C4orf50: variants seen among roughly 807,000 people sequenced by gnomAD.
The protein encoded by C4orf50 is uncharacterized protein C4orf50.
Under a neutral mutation model 77.2 loss-of-function variants are expected in C4orf50, and 80 were observed. The ratio of observed to expected loss-of-function variants is 1.04; its 90% CI spans 0.87 to 1.25. The LOEUF (loss-of-function observed/expected upper bound fraction) is 1.25, where lower values mean the gene tolerates loss of function less well. C4orf50 is among the 50% of genes most tolerant of loss of function. C4orf50 has a pLI of 0.00. For synonymous variants in C4orf50, 532 were observed against 465.3 expected (o/e 1.14, Z -1.84); for missense variants, 1,257 against 1,152.9 (o/e 1.09, Z -1.31).
exon 28 of C4orf50, chr4:5,989,391 G>A (rs1288563005): frequency 2.0e-6 from 3 of 1,536,018 alleles, no homozygotes; most frequent in Non-Finnish European, 2.6e-6. Context: ...TGGTGCCCAG[G>A]GCCGTGGTCT....
Position 6,011,869 on chromosome 4 carries a change from C to G in C4orf50, c.387G>C (p.Gln129His). 1 of 399,098 alleles carries G rather than the reference C, an allele frequency of 2.5e-6. No individual in the cohort carries two copies. The allele number at this position is 399,098 out of a possible 1,614,324, so 24.7% of individuals were successfully genotyped here. A position where few individuals can be genotyped will look rare whatever the true frequency, so the allele number is the denominator to read the frequency against. ...CCCCCTGCAGCGCCGCCAGCTTCTC[C>G]TGGGCCTGGAGCCAGGCGCTTCTCT... Residue 129 changes from glutamine (Q) to histidine (H), a missense_variant, in exon 24 of 34, where the codon CAG (glutamine) becomes CAC (histidine). Coordinates refer to ENST00000531445, the Ensembl canonical transcript of C4orf50. The surrounding 1 kb of genome is among the most constrained non-coding windows in gnomAD (Gnocchi z 4.2).
intron 7 of C4orf50, among the ~76,000 whole-genome samples, chr4:5,938,466 G>A (rs1718126191): frequency 6.6e-6 from 1 of 152,156 alleles, no homozygotes; most frequent in African/African-American, 2.4e-5. Flanking sequence ...ACAGCGGGAG[G>A]GGCCCTCTGA....
At chr4:5,988,745 T>C in exon 28 of C4orf50, 1 of 1,536,034 alleles carries the variant, frequency 6.5e-7, no homozygotes, top group Non-Finnish European at 8.7e-7. Context: ...GTGACTTCCC[T>C]CTCCAGGACA....
intron 7 of C4orf50, among the ~76,000 whole-genome samples, chr4:5,917,670 C>T (rs959849922): frequency 5.3e-5 from 8 of 151,942 alleles, no homozygotes; most frequent in South Asian, 4.2e-4. Context: ...CCTTGGCCTC[C>T]CAAAGTGCAG....
At chr4:5,925,228 C>T (rs751515049) in intron 7 of C4orf50, among the ~76,000 whole-genome samples, 3 of 151,244 alleles carry the variant, frequency 2.0e-5, no homozygotes, top group East Asian at 2.0e-4. Context: ...AGGGATATGG[C>T]GCTCGGCAAG....
chr4:5,909,664 T>C (rs1028549810), intron 7 of C4orf50, among the ~76,000 whole-genome samples: 1 of 152,252 alleles, frequency 6.6e-6, no homozygotes, highest in Non-Finnish European at 1.5e-5. Flanking sequence ...AAGCCTTTCA[T>C]CCATTCTTGA....
chr4:5,978,428 T>A (rs1344168301), intron 29 of C4orf50, among the ~76,000 whole-genome samples: 1 of 152,206 alleles, frequency 6.6e-6, no homozygotes, highest in African/African-American at 2.4e-5. Context: ...AGAGTACTAT[T>A]TAGCTGGAAG....
chr4:6,000,045 G>T lies in C4orf50; in HGVS notation c.964-5569C>A, dbSNP rs183885162. ...GGAGGTTGAACTTGATCCTGAGGCC[G>T]TGGGCAGCCATGGTGGGGTGCTTAT... On this transcript the variant is annotated intron_variant, in intron 25 of 33. Transcript: ENST00000531445. The surrounding 1 kb of genome is among the most constrained non-coding windows in gnomAD (Gnocchi z 6.0). 1.4e-3 allele frequency among the ~76,000 whole-genome samples: 220 copies of T among 152,256 alleles called. 2 individuals are homozygous for T. The highest frequency in any genetic ancestry group is 0.012 in the Admixed American group (184 of 15,292).
At chr4:5,957,962 T>TA (rs776646604) in exon 34 of C4orf50, 1 of 152,228 alleles carries the variant, frequency 6.6e-6, no homozygotes, top group Non-Finnish European at 1.5e-5. Flanking sequence ...AACAAAAAGC[T>TA]AAACTACGTT....
intron 31 of C4orf50, among the ~76,000 whole-genome samples, chr4:5,973,096 G>A (rs1720026596): frequency 6.6e-6 from 1 of 152,222 alleles, no homozygotes; most frequent in African/African-American, 2.4e-5. Context: ...AGATGGCTAT[G>A]GAGCGGCTCT....
In C4orf50 at chr4:5,925,223, T is replaced by C. The variant is rs529720970; in HGVS notation, c.*2475-27035A>G. On this transcript the variant is annotated intron_variant, in intron 7 of 7. Transcript: ENST00000324058. ...TTCTGAGATGGGCAGAGGGAAGGGA[T>C]ATGGCGCTCGGCAAGGGGAGACCCG... Among the ~76,000 whole-genome samples the C allele has an allele frequency of 2.6e-5, 4 of 151,026 alleles. No homozygotes were observed. The South Asian group carries it at 8.4e-4, about 32-fold the overall frequency.
intron 25 of C4orf50, among the ~76,000 whole-genome samples, chr4:5,997,252 T>C (rs1721633813): frequency 2.0e-5 from 3 of 152,190 alleles, no homozygotes; most frequent in Non-Finnish European, 1.5e-5. Context: ...CAGGCTGACT[T>C]CAATGCAATT....
chr4:5,943,058 T>C (rs1475265172), intron 7 of C4orf50, among the ~76,000 whole-genome samples: 2 of 152,236 alleles, frequency 1.3e-5, no homozygotes, highest in African/African-American at 4.8e-5. Flanking sequence ...GGTTAGGCAC[T>C]AGGCATATAT....
chr4:5,926,056 T>A (rs1390675892), intron 7 of C4orf50, among the ~76,000 whole-genome samples: 1 of 152,152 alleles, frequency 6.6e-6, no homozygotes, highest in Non-Finnish European at 1.5e-5. Flanking sequence ...ACACGATAGC[T>A]GGAAGGAGGG....
chr4:5,925,303 C>T (rs1717468004), intron 7 of C4orf50, among the ~76,000 whole-genome samples: 1 of 152,048 alleles, frequency 6.6e-6, no homozygotes, highest in Non-Finnish European at 1.5e-5. Context: ...GTGGGGAGGG[C>T]TGTTGGGGGA....
intron 32 of C4orf50, among the ~76,000 whole-genome samples, chr4:5,966,703 A>G (rs1224215152): frequency 6.7e-6 from 1 of 149,602 alleles, no homozygotes; most frequent in Non-Finnish European, 1.5e-5. Context: ...AGGCTGGAGT[A>G]CAGTGGTGTT....
chr4:6,013,698 G>C (rs1316236349), intron 23 of C4orf50, among the ~76,000 whole-genome samples: 1 of 152,248 alleles, frequency 6.6e-6, no homozygotes, highest in East Asian at 1.9e-4. Context: ...ACCAACACGC[G>C]ATTGCATGCA....
At position 5,908,979 on chromosome 4, in the gene C4orf50, G is replaced by A. The variant is rs1716673184; in HGVS notation, c.*2475-10791C>T. Among the ~76,000 whole-genome samples the A allele has an allele frequency of 6.6e-6, 1 of 152,116 alleles. No homozygotes were observed. Among genetic ancestry groups the A allele is most frequent in the South Asian group, 2.1e-4 (1 of 4,820 alleles). ...CCAGTCCATGACTGCCTCTTAGCTG[G>A]ACCACAGAGAGTTTCCTAACCAGGC... On this transcript the variant is annotated intron_variant, in intron 7 of 7. Coordinates refer to the C4orf50 transcript ENST00000324058. The surrounding 1 kb of genome is among the most constrained non-coding windows in gnomAD (Gnocchi z 5.6).
At position 6,009,662 on chromosome 4, in the gene C4orf50, A is replaced by G. The variant is rs548403027; in HGVS notation, c.427-1130T>C. ...CAGAAACGAGGCATCTTCATATGCAAATGCTTACTGGAAACATTGGCAGCA... is the reference window on the plus strand; with the variant it reads ...CAGAAACGAGGCATCTTCATATGCAGATGCTTACTGGAAACATTGGCAGCA... On this transcript the variant is annotated intron_variant, in intron 24 of 33. Transcript: ENST00000531445. This position sits in a 1 kb window ranked among gnomAD's most constrained non-coding sequence, Gnocchi z 5.6. Among the ~76,000 whole-genome samples, 7 of 152,378 alleles carry G rather than the reference A, an allele frequency of 4.6e-5. No homozygotes were observed. In the South Asian group the frequency reaches 1.2e-3, roughly 27 times the overall value.
Sources: gnomAD v4.1 joint callset for allele counts (sites outside exome capture counted in the v4.1 genomes callset) on GRCh38, gnomAD v4.1.1 for gene constraint, Gnocchi (gnomAD v3.1) non-coding constraint, MANE v1.5 for transcripts, NCBI Gene and HGNC (gene_info 2026-07-23, HGNC 2026-07-21) for gene names.